Variants in TMEM74 observed in about 807,000 individuals in gnomAD.
TMEM74 encodes the protein transmembrane protein 74.
In TMEM74, 13 loss-of-function variants were observed where a neutral mutation model predicts 18.1. That is an observed-to-expected ratio of 0.72 (90% CI 0.47 to 1.14). The LOEUF (loss-of-function observed/expected upper bound fraction) is 1.14. TMEM74 is among the 50% of genes most tolerant of loss of function. The pLI, the probability that TMEM74 is intolerant of heterozygous loss-of-function variation, is 0.00. For missense variants in TMEM74, 372 were observed against 375.9 expected (o/e 0.99, Z 0.09); for synonymous variants, 159 against 146.6 (o/e 1.08, Z -0.61).
chr8:108,649,626 C>A (rs1052841094), intron 2 of TMEM74, among the ~76,000 whole-genome samples: 1 of 152,136 alleles, frequency 6.6e-6, no homozygotes, highest in African/African-American at 2.4e-5. Flanking sequence ...ACCGCAATTA[C>A]TTTTCACCAA....
intron 1 of TMEM74, among the ~76,000 whole-genome samples, chr8:108,666,665 C>T (rs1812952290): frequency 6.6e-6 from 1 of 151,960 alleles, no homozygotes; most frequent in Non-Finnish European, 1.5e-5. Flanking sequence ...GGAGATTAGA[C>T]AACAGAAAAA....
At chr8:108,615,001 C>T (rs563813681) in intron 2 of TMEM74, among the ~76,000 whole-genome samples, 5 of 152,188 alleles carry the variant, frequency 3.3e-5, no homozygotes, top group African/African-American at 1.2e-4. Flanking sequence ...TAATATGAGA[C>T]CAAAGCATAC....
intron 2 of TMEM74, among the ~76,000 whole-genome samples, chr8:108,628,959 T>A (rs1229798499): frequency 6.6e-6 from 1 of 152,088 alleles, no homozygotes; most frequent in Non-Finnish European, 1.5e-5. Context: ...GTTAATATCC[T>A]TTGCCCACTT....
At chr8:108,652,888 G>A (rs1377265887) in intron 2 of TMEM74, 9 of 501,212 alleles carry the variant, frequency 1.8e-5, no homozygotes, top group Non-Finnish European at 3.6e-5. Context: ...CTGCCTCACT[G>A]GATTCACAGT....
Position 108,609,221 on chromosome 8 carries a change from G to A in TMEM74, n.265-395C>T, listed in dbSNP as rs138891579. On this transcript the variant is annotated intron_variant and non_coding_transcript_variant, in intron 2 of 3. Transcript: ENST00000518838. ...GGATTGAATGAGGTAAGATGTATTG[G>A]TAAGATTTATTTGATTTCTGAATAT... Among the ~76,000 whole-genome samples the A allele has an allele frequency of 3.9e-4, 60 of 152,326 alleles. No homozygotes were observed. The East Asian group carries it at 0.011, about 27-fold the overall frequency.
chr8:108,755,910 T>C (rs1325460560), intron 1 of TMEM74, among the ~76,000 whole-genome samples: 1 of 151,998 alleles, frequency 6.6e-6, no homozygotes, highest in Non-Finnish European at 1.5e-5. Context: ...AGAAAAAGCA[T>C]ATTATCAGGA....
intron 2 of TMEM74, among the ~76,000 whole-genome samples, chr8:108,645,706 C>T (rs1812711200): frequency 6.6e-6 from 1 of 152,044 alleles, no homozygotes; most frequent in East Asian, 1.9e-4. Flanking sequence ...AAACATGGAG[C>T]ACAGACACAA....
At chr8:108,658,989 C>T (rs1173616844) in intron 1 of TMEM74, among the ~76,000 whole-genome samples, 2 of 152,074 alleles carry the variant, frequency 1.3e-5, no homozygotes, top group Admixed American at 1.3e-4. Context: ...CTTACTTTTA[C>T]CACGGCTTCC....
intron 1 of TMEM74, among the ~76,000 whole-genome samples, chr8:108,750,283 A>T (rs1279876187): frequency 6.6e-6 from 1 of 152,168 alleles, no homozygotes; most frequent in African/African-American, 2.4e-5. Flanking sequence ...ATGGAAATTC[A>T]TTTTAGATAA....
intron 1 of TMEM74, among the ~76,000 whole-genome samples, chr8:108,684,771 G>A (rs902091030): frequency 5.3e-5 from 8 of 150,938 alleles, no homozygotes; most frequent in Admixed American, 2.6e-4. Flanking sequence ...GGTGAGAGGC[G>A]GGGGGTTCTA....
intron 2 of TMEM74, among the ~76,000 whole-genome samples, chr8:108,647,908 T>G (rs1443422523): frequency 1.3e-5 from 2 of 152,122 alleles, no homozygotes; most frequent in African/African-American, 4.8e-5. Context: ...AGAATTTTCC[T>G]GGAGGTATAC....
At chr8:108,721,837 T>C (rs762333532) in intron 1 of TMEM74, among the ~76,000 whole-genome samples, 14 of 152,210 alleles carry the variant, frequency 9.2e-5, no homozygotes, top group African/African-American at 2.9e-4. Context: ...CAAAGAACCA[T>C]TGATCTGCTT....
intron 2 of TMEM74, among the ~76,000 whole-genome samples, chr8:108,622,640 C>A (rs2130544461): frequency 6.6e-6 from 1 of 152,060 alleles, no homozygotes; most frequent in Non-Finnish European, 1.5e-5. Flanking sequence ...GGCCTCTACC[C>A]CATGACTTAT....
intron 1 of TMEM74, among the ~76,000 whole-genome samples, chr8:108,711,995 C>T (rs1016494693): frequency 2.5e-4 from 38 of 151,966 alleles, no homozygotes; most frequent in African/African-American, 7.5e-4. Context: ...ATGTAAGACT[C>T]GTTGTCATTG....
At chr8:108,659,556 G>A (rs147477581) in intron 1 of TMEM74, among the ~76,000 whole-genome samples, 89 of 152,094 alleles carry the variant, frequency 5.9e-4, no homozygotes, top group Non-Finnish European at 9.6e-4. Flanking sequence ...ATTTAGTCTC[G>A]AATATTGGTA....
intron 2 of TMEM74, among the ~76,000 whole-genome samples, chr8:108,643,630 C>T (rs75947734): frequency 2.0e-5 from 3 of 151,852 alleles, no homozygotes. Context: ...AATTCCAGCA[C>T]TTTGGGAGGC....
chr8:108,612,227 T>C (rs1333711346), intron 2 of TMEM74, among the ~76,000 whole-genome samples: 2 of 152,064 alleles, frequency 1.3e-5, no homozygotes, highest in Non-Finnish European at 2.9e-5. Context: ...ACATTATTTC[T>C]ATGTTAAAAA....
At chr8:108,739,098 A>C (rs113441404) in intron 1 of TMEM74, among the ~76,000 whole-genome samples, 4,147 of 152,274 alleles carry the variant, frequency 0.027, 120 homozygotes, top group African/African-American at 0.073. Context: ...TGGGGGCCAT[A>C]ATTAGTTATC....
At chr8:108,668,182 C>G (rs1812968268) in intron 1 of TMEM74, among the ~76,000 whole-genome samples, 1 of 152,114 alleles carries the variant, frequency 6.6e-6, no homozygotes, top group South Asian at 2.1e-4. Flanking sequence ...CAGCCATCTC[C>G]TCAGTATGTT....
Sources: gnomAD v4.1 joint callset for allele counts (sites outside exome capture counted in the v4.1 genomes callset) on GRCh38, gnomAD v4.1.1 for gene constraint, MANE v1.5 for transcripts, NCBI Gene and HGNC (gene_info 2026-07-23, HGNC 2026-07-21) for gene names.